Variants in MAML3 observed in about 807,000 individuals in gnomAD.
MAML3 encodes mastermind like transcriptional coactivator 3, also known as mastermind-like protein 3.
Under a neutral mutation model 101.9 loss-of-function variants are expected in MAML3, and 27 were observed. The observed-to-expected ratio is 0.27, with a 90% CI of 0.20 to 0.37. MAML3 has a LOEUF of 0.37. Among genes scored for constraint, MAML3 ranks in the 10% least tolerant of loss-of-function variants. The pLI is 1.00. For missense variants in MAML3, 1,316 were observed against 1,444.9 expected, an observed-to-expected ratio of 0.91 and a Z score of 1.45; for synonymous variants, 501 against 555.9, an observed-to-expected ratio of 0.90 and a Z score of 1.39.
At chr4:140,146,862 G>A (rs1170969244) in intron 1 of MAML3, among the ~76,000 whole-genome samples, 1 of 152,014 alleles carries the variant, frequency 6.6e-6, no homozygotes, top group Non-Finnish European at 1.5e-5. Context: ...CTGGCCGGGT[G>A]CGGTGGCTCA....
At chr4:140,032,136 T>A (rs937720211) in intron 1 of MAML3, among the ~76,000 whole-genome samples, 2 of 152,238 alleles carry the variant, frequency 1.3e-5, no homozygotes, top group Non-Finnish European at 2.9e-5. Flanking sequence ...ACAGTATTCC[T>A]ATAGCTCTGG....
In MAML3 at chr4:139,719,330, T is replaced by C; in HGVS notation, c.3410A>G (p.Asn1137Ser). The C allele has an allele frequency of 6.3e-7, 1 of 1,585,688 alleles. No homozygotes were observed. ...WMQELDELFG[N>S]P Reference sequence around the variant, plus strand: ...TCTTGGGGCCTCTCTTGATTAGGGGTTACCAAACAATTCATCAAGCTCCTG... The same window carrying C: ...TCTTGGGGCCTCTCTTGATTAGGGGCTACCAAACAATTCATCAAGCTCCTG... The change falls in exon 5 of 5, where the codon AAC becomes AGC. Residue 1137 changes from asparagine to serine, a missense_variant. By Grantham distance (46) the Asn-to-Ser change is conservative (BLOSUM62 1). Coordinates refer to ENST00000509479, the MANE Select transcript of MAML3 (RefSeq NM_018717.5).
intron 1 of MAML3, chr4:140,133,090 C>T (rs1249976337): frequency 2.2e-6 from 1 of 447,624 alleles, no homozygotes; most frequent in Non-Finnish European, 4.5e-6. Context: ...AAAGGAGCCA[C>T]TATGTGCTGT....
intron 1 of MAML3, among the ~76,000 whole-genome samples, chr4:140,066,889 A>C (rs1308763916): frequency 5.9e-5 from 9 of 152,230 alleles, no homozygotes; most frequent in Admixed American, 5.2e-4. Context: ...GATGAACTGC[A>C]AATCTTTTAG....
At chr4:139,781,033 AGCACTCACATCCCTAT>A (rs1360369361) in intron 2 of MAML3, among the ~76,000 whole-genome samples, 5 of 152,194 alleles carry the variant, frequency 3.3e-5, no homozygotes, top group Non-Finnish European at 7.3e-5. Context: ...TAGAATGCTC[AGCACTCACATCCCTAT>A]GCCCAACTAC....
Position 139,889,909 on chromosome 4 carries a change from TTGCTGCTGCTGC to T in MAML3, c.1515_1526del (p.Gln507_Gln510del), listed in dbSNP as rs58015886. 4.9e-3 allele frequency: 7,168 copies of T among 1,476,404 alleles called. 297 individuals are homozygous for T. In the African/African-American group the frequency reaches 0.097, roughly 20 times the overall value. 91.5% of individuals were successfully genotyped at this position (1,476,404 alleles called of 1,614,324 possible). ...AATTTGAAGTCTGATTTGAGTGCTG[TTGCTGCTGCTGC>T]TGCTGCTGCTGCTGCTGCTGCTGCT... On this transcript the variant is annotated inframe_deletion, in exon 2 of 5. Transcript: ENST00000509479.
At chr4:139,995,022 G>A (rs1193593780) in intron 1 of MAML3, among the ~76,000 whole-genome samples, 1 of 152,040 alleles carries the variant, frequency 6.6e-6, no homozygotes, top group African/African-American at 2.4e-5. Context: ...TAACTGGGGG[G>A]TTTCTTATAG....
intron 1 of MAML3, among the ~76,000 whole-genome samples, chr4:140,001,744 C>G (rs570203800): frequency 7.6e-4 from 115 of 152,278 alleles, no homozygotes; most frequent in Non-Finnish European, 1.3e-3. Flanking sequence ...TGAAATGTAT[C>G]TGTACTTCAC....
At chr4:139,824,486 C>T (rs1190759979) in intron 2 of MAML3, among the ~76,000 whole-genome samples, 2 of 152,176 alleles carry the variant, frequency 1.3e-5, no homozygotes, top group East Asian at 1.9e-4. Context: ...CTGGGACTGT[C>T]TTGGGACGAT....
intron 1 of MAML3, among the ~76,000 whole-genome samples, chr4:140,125,270 A>T (rs961126854): frequency 1.3e-5 from 2 of 152,172 alleles, no homozygotes; most frequent in Admixed American, 1.3e-4. Flanking sequence ...ATTCACCACA[A>T]AAAGTAATTT....
intron 1 of MAML3, among the ~76,000 whole-genome samples, chr4:139,973,217 C>T (rs1734261706): frequency 6.6e-6 from 1 of 152,180 alleles, no homozygotes; most frequent in South Asian, 2.1e-4. Context: ...AGGGCCAGGC[C>T]GTGGGTCACT....
intron 2 of MAML3, among the ~76,000 whole-genome samples, chr4:139,873,554 G>A (rs958169759): frequency 4.6e-5 from 7 of 152,206 alleles, no homozygotes; most frequent in African/African-American, 9.6e-5. Flanking sequence ...ATGAAGAAAC[G>A]AAGGTGTGTG....
chr4:140,049,964 G>A (rs1727241246), intron 1 of MAML3, among the ~76,000 whole-genome samples: 1 of 151,968 alleles, frequency 6.6e-6, no homozygotes, highest in African/African-American at 2.4e-5. Flanking sequence ...TAACTTTCTG[G>A]AGTGGAAAGT....
chr4:139,863,065 G>A (rs901559578), intron 2 of MAML3, among the ~76,000 whole-genome samples: 5 of 149,064 alleles, frequency 3.4e-5, no homozygotes, highest in Admixed American at 6.8e-5. Flanking sequence ...CAGGAAAGTC[G>A]CTTGAACCCA....
At position 139,735,568 on chromosome 4, in the gene MAML3, C is replaced by A. The variant is rs1728904783; in HGVS notation, c.2080-4901G>T. ...GCACAAAGCCGGCCCGGGGAGGGGG[C>A]GATAAGGAGCGAGCCTCGGGTCGGC... On this transcript the variant is annotated intron_variant, in intron 2 of 4. Transcript: ENST00000509479. This position sits in a 1 kb window ranked among gnomAD's most constrained non-coding sequence, Gnocchi z 5.8. Among the ~76,000 whole-genome samples, 1 of 152,034 alleles carries A rather than the reference C, an allele frequency of 6.6e-6. No individual in the cohort carries two copies. The highest frequency in any genetic ancestry group is 2.1e-4 in the South Asian group (1 of 4,818).
At chr4:139,987,160 G>A (rs571295652) in intron 1 of MAML3, among the ~76,000 whole-genome samples, 2 of 152,244 alleles carry the variant, frequency 1.3e-5, no homozygotes, top group South Asian at 4.1e-4. Context: ...GGATAAATTA[G>A]CCACTCACCT....
intron 1 of MAML3, among the ~76,000 whole-genome samples, chr4:139,901,755 T>C (rs775866431): frequency 6.6e-6 from 1 of 152,190 alleles, no homozygotes; most frequent in African/African-American, 2.4e-5. Context: ...TCGATTTGTT[T>C]ATTTTCTGGA....
rs542979383 is a variant in MAML3 at position 140,085,474 on chromosome 4, G to C, written c.468+67386C>G. On this transcript the variant is annotated intron_variant, in intron 1 of 4. Transcript: ENST00000509479. ...CTGTGCACATGTACAGAAGCTAAAA[G>C]GTTCTCTACTTTGCCCCCATTTGAC... Among the ~76,000 whole-genome samples, 7 of 152,238 alleles carry C rather than the reference G, an allele frequency of 4.6e-5. 1 individual carries two copies. Among genetic ancestry groups the C allele is most frequent in the African/African-American group, 1.2e-4 (5 of 41,540 alleles).
intron 1 of MAML3, among the ~76,000 whole-genome samples, chr4:140,150,142 T>C (rs773755027): frequency 5.3e-5 from 8 of 152,094 alleles, no homozygotes; most frequent in Non-Finnish European, 1.0e-4. Flanking sequence ...ATCATTGTCA[T>C]AAAATGACAG....
Sources: allele counts gnomAD v4.1 joint callset (sites outside exome capture counted in the v4.1 genomes callset), GRCh38; gene constraint gnomAD v4.1.1; non-coding constraint Gnocchi (gnomAD v3.1); transcripts MANE v1.5; gene names NCBI Gene and HGNC (gene_info 2026-07-23, HGNC 2026-07-21).